PCDHA3: variants seen among roughly 807,000 people sequenced by gnomAD.
PCDHA3 encodes protocadherin alpha 3.
In PCDHA3, 41 loss-of-function variants were observed where a neutral mutation model predicts 62.2. The observed-to-expected ratio is 0.66, with a 90% CI of 0.51 to 0.86. PCDHA3 has a LOEUF of 0.86. PCDHA3 is among the 40% of genes least tolerant of loss of function. PCDHA3 has a pLI of 0.00. For synonymous variants in PCDHA3, 640 were observed against 555.4 expected, an observed-to-expected ratio of 1.15 and a Z score of -2.14; for missense variants, 1,304 against 1,241.2, an observed-to-expected ratio of 1.05 and a Z score of -0.76.
At chr5:140,805,437 T>TTG (rs781705195) in intron 1 of PCDHA3, 10 of 1,050,880 alleles carry the variant, frequency 9.5e-6, no homozygotes, top group African/African-American at 1.7e-5. Context: ...GTTTTGGTTT[T>TTG]TGTGTGTGTG....
At chr5:140,974,614 C>T (rs757071183) in intron 1 of PCDHA3, among the ~76,000 whole-genome samples, 3 of 152,070 alleles carry the variant, frequency 2.0e-5, no homozygotes, top group East Asian at 1.9e-4. Context: ...AGGGTTCAAG[C>T]GATTCTCCTG....
chr5:140,843,036 G>A (rs2150350746), intron 1 of PCDHA3: 3 of 1,595,194 alleles, frequency 1.9e-6, no homozygotes, highest in Middle Eastern at 1.7e-4. Context: ...CGGGTGGGTG[G>A]CACTGGTGGC....
At position 140,803,485 on chromosome 5, in the gene PCDHA3, G is replaced by T. The variant is rs1562194526; in HGVS notation, c.2288G>T (p.Gly763Val). 1.2e-6 allele frequency: 2 copies of T among 1,614,220 alleles called. No individual in the cohort carries two copies. Among genetic ancestry groups the T allele is most frequent in the East Asian group, 2.2e-5 (1 of 44,882 alleles). The change falls in exon 1 of 4, where the codon GGG becomes GTG. Residue 763 changes from glycine (G) to valine (V), a missense_variant. Coordinates refer to ENST00000522353, the MANE Select transcript of PCDHA3 (RefSeq NM_018906.3). ...CAGCAGAGGGTGTGCTCTGGAGAGG[G>T]GTTGCCCAAGACCGACCTCATGGCT... Reference protein sequence around the residue: ...QRQQRVCSGEGLPKTDLMAFS... With the variant: ...QRQQRVCSGEVLPKTDLMAFS...
chr5:140,857,108 C>T, intron 1 of PCDHA3: 6 of 1,597,856 alleles, frequency 3.8e-6, no homozygotes, highest in Non-Finnish European at 5.1e-6. Context: ...TGTCACTTCT[C>T]TGTCTCTCCC....
intron 3 of PCDHA3, among the ~76,000 whole-genome samples, chr5:141,001,985 G>A (rs536683790): frequency 6.6e-5 from 10 of 152,194 alleles, no homozygotes; most frequent in Non-Finnish European, 1.5e-4. Flanking sequence ...GGAAAGCCTG[G>A]AAGTTCACTT....
At chr5:140,882,481 C>A in intron 1 of PCDHA3, 1 of 1,614,038 alleles carries the variant, frequency 6.2e-7, no homozygotes, top group Non-Finnish European at 8.5e-7. Flanking sequence ...CCAAAAGACA[C>A]GGGGACCTTC....
intron 1 of PCDHA3, chr5:140,858,828 A>G (rs546423783): frequency 8.8e-5 from 29 of 330,376 alleles, no homozygotes; most frequent in Middle Eastern, 1.8e-3. Flanking sequence ...TATTTGCATT[A>G]CCAAAAAATT....
At chr5:140,995,452 G>C (rs1400573812) in intron 3 of PCDHA3, among the ~76,000 whole-genome samples, 1 of 152,098 alleles carries the variant, frequency 6.6e-6, no homozygotes, top group African/African-American at 2.4e-5. Context: ...CTTATGAATT[G>C]TTTATTTTTG....
intron 3 of PCDHA3, among the ~76,000 whole-genome samples, chr5:141,008,360 G>C (rs569459357): frequency 6.6e-6 from 1 of 152,220 alleles, no homozygotes; most frequent in South Asian, 2.1e-4. Flanking sequence ...TCAACCAAAG[G>C]AGCAGTGTTA....
chr5:140,926,303 C>G (rs1248613470), intron 1 of PCDHA3: 1 of 152,328 alleles, frequency 6.6e-6, no homozygotes, highest in African/African-American at 2.4e-5. Flanking sequence ...CCCGCCCTCT[C>G]CGCCGGAGAG....
At chr5:140,843,153 T>A (rs2150353928) in intron 1 of PCDHA3, 80,196 of 1,595,968 alleles carry the variant, frequency 0.05, 9,743 homozygotes, top group Non-Finnish European at 0.06. Flanking sequence ...TCGTATGAGC[T>A]GCAGCCAGCT....
intron 1 of PCDHA3, chr5:140,882,984 C>T (rs2059393576): frequency 2.5e-6 from 4 of 1,614,178 alleles, no homozygotes; most frequent in Non-Finnish European, 2.5e-6. Flanking sequence ...AATGACAACG[C>T]CCCGGAATTT....
intron 1 of PCDHA3, chr5:140,870,593 G>A (rs991131905): frequency 6.2e-7 from 1 of 1,613,572 alleles, no homozygotes; most frequent in Non-Finnish European, 8.5e-7. Flanking sequence ...GTGGAGCGGC[G>A]GTTGGGCGAC....
chr5:140,881,446 TC>T, intron 1 of PCDHA3: 1 of 787,056 alleles, frequency 1.3e-6, no homozygotes, highest in Non-Finnish European at 1.5e-6. Flanking sequence ...AAAAACAGAA[TC>T]CAAAACCTTA....
At chr5:140,825,397 ATAT>A (rs1768543114) in intron 1 of PCDHA3, 1 of 145,834 alleles carries the variant, frequency 6.9e-6, no homozygotes. Context: ...TATATCTAAT[ATAT>A]TATATATTTT....
chr5:140,948,029 T>A (rs1372869400), intron 1 of PCDHA3, among the ~76,000 whole-genome samples: 1 of 151,594 alleles, frequency 6.6e-6, no homozygotes, highest in African/African-American at 2.4e-5. Flanking sequence ...TCTGGTTTGC[T>A]CAGAGTTTTA....
At chr5:140,925,833 CG>C (rs2082756406) in intron 1 of PCDHA3, among the ~76,000 whole-genome samples, 1 of 152,070 alleles carries the variant, frequency 6.6e-6, no homozygotes, top group Admixed American at 6.5e-5. Flanking sequence ...GGGGACGGGT[CG>C]TCAAGTCTTT....
intron 1 of PCDHA3, among the ~76,000 whole-genome samples, chr5:140,973,136 C>G (rs2096573800): frequency 6.6e-6 from 1 of 152,168 alleles, no homozygotes; most frequent in Admixed American, 6.5e-5. Context: ...TTTGCATTCA[C>G]TTTCACTTAT....
intron 1 of PCDHA3, among the ~76,000 whole-genome samples, chr5:140,944,577 C>G (rs2093670906): frequency 6.6e-6 from 1 of 152,270 alleles, no homozygotes; most frequent in Admixed American, 6.5e-5. Flanking sequence ...CTGTAGAGAT[C>G]ACTTCAGAAT....
Sources: allele counts gnomAD v4.1 joint callset (sites outside exome capture counted in the v4.1 genomes callset), GRCh38; gene constraint gnomAD v4.1.1; transcripts MANE v1.5; gene names NCBI Gene and HGNC (gene_info 2026-07-23, HGNC 2026-07-21).